Variants in MARF1 observed in about 807,000 individuals in gnomAD.
MARF1 encodes the protein meiosis regulator and mRNA stability factor 1.
MARF1 carries 24 observed loss-of-function variants against 168.2 expected under a neutral mutation model. The observed-to-expected ratio is 0.14, with a 90% CI of 0.10 to 0.20. The LOEUF (loss-of-function observed/expected upper bound fraction) is 0.20, where lower values mean the gene tolerates loss of function less well. Among genes scored for constraint, MARF1 ranks in the 10% least tolerant of loss-of-function variants. The probability of loss-of-function intolerance (pLI) is 1.00; values close to 1 mark genes in which losing one functional copy is unlikely to be tolerated. For synonymous variants in MARF1, 868 were observed against 822.4 expected (o/e 1.06, Z -0.95); for missense variants, 1,744 against 2,143.6 (o/e 0.81, Z 3.68).
chr16:15,627,035 G>GAA (rs1471590131), intron 7 of MARF1, among the ~76,000 whole-genome samples: 4 of 151,392 alleles, frequency 2.6e-5, no homozygotes, highest in African/African-American at 7.3e-5. Context: ...GAGAGAGAGA[G>GAA]AGAAAGAACG....
intron 21 of MARF1, among the ~76,000 whole-genome samples, chr16:15,605,467 G>A (rs2032927721): frequency 6.6e-6 from 1 of 152,038 alleles, no homozygotes; most frequent in Admixed American, 6.6e-5. Context: ...ATGATTATGG[G>A]ACTGTATAGA....
chr16:15,633,716 A>C lies in MARF1; in HGVS notation c.1134T>G (p.Arg378=), dbSNP rs750929395. The C allele has an allele frequency of 6.2e-7, 1 of 1,614,036 alleles. No individual in the cohort carries two copies. The highest frequency in any genetic ancestry group is 1.7e-5 in the Admixed American group (1 of 60,008). ...CTCTGTGGCCTTTAAAAAACTTCTC[A>C]CGGATTCTTTGCACAACAGCAGTTG... The part of the protein sequence containing the change: ...RSATAVVQRI[R]EKFFKGHREA... The change falls in exon 5 of 27, where the codon CGT becomes CGG. Residue 378 remains arginine, a synonymous_variant. Transcript: ENST00000396368.
In MARF1 at chr16:15,614,693, T is replaced by G. The variant is rs1339788590; in HGVS notation, c.3253+1137A>C. On this transcript the variant is annotated intron_variant, in intron 16 of 26. Coordinates refer to ENST00000396368, the MANE Select transcript of MARF1 (RefSeq NM_014647.4). ...CTGTAGTCCCAGCTCCTCAGGAGAC[T>G]GAGGCAGGGGAATGGCGTGAACTCA... 4.6e-5 allele frequency among the ~76,000 whole-genome samples: 7 copies of G among 150,718 alleles called. No homozygotes were observed. The East Asian group carries it at 1.4e-3, about 30-fold the overall frequency.
chr16:15,627,039 A>G (rs1006229577), intron 7 of MARF1, among the ~76,000 whole-genome samples: 4 of 150,544 alleles, frequency 2.7e-5, no homozygotes, highest in African/African-American at 7.4e-5. Flanking sequence ...GAGAGAGAGA[A>G]AGAACGAACA....
In MARF1 at chr16:15,628,282, G is replaced by A. The variant is rs1441752807; in HGVS notation, c.1524+2050C>T. On this transcript the variant is annotated intron_variant, in intron 7 of 26. Transcript: ENST00000396368. ...AAACGTACATTTTTTAAATCTGGAGGGCAATACCAAAATATTAACAGTGGT... is the reference window on the plus strand; with the variant it reads ...AAACGTACATTTTTTAAATCTGGAGAGCAATACCAAAATATTAACAGTGGT... 2.6e-5 allele frequency among the ~76,000 whole-genome samples: 4 copies of A among 151,944 alleles called. No individual in the cohort carries two copies. In the East Asian group the frequency reaches 7.7e-4, roughly 29 times the overall value.
At chr16:15,611,285 C>G (rs182007751) in intron 18 of MARF1, among the ~76,000 whole-genome samples, 177 bp from the exon 19 acceptor site, 1 of 151,832 alleles carries the variant, frequency 6.6e-6, no homozygotes, top group Non-Finnish European at 1.5e-5. Context: ...GGTGAAACCC[C>G]GTCTCTACTA....
intron 20 of MARF1, among the ~76,000 whole-genome samples, chr16:15,608,960 C>G (rs2033270307): frequency 6.6e-6 from 1 of 152,210 alleles, no homozygotes; most frequent in Non-Finnish European, 1.5e-5. Context: ...AAGAAATCAG[C>G]AGGTGTGGTG....
At chr16:15,609,260 C>CA (rs1012779597) in intron 20 of MARF1, among the ~76,000 whole-genome samples, 3 of 151,354 alleles carry the variant, frequency 2.0e-5, no homozygotes, top group Non-Finnish European at 4.4e-5. Flanking sequence ...AACAAACAAA[C>CA]AAAAAAAAGA....
At chr16:15,636,632 A>G (rs1311652988) in intron 2 of MARF1, among the ~76,000 whole-genome samples, 1 of 152,230 alleles carries the variant, frequency 6.6e-6, no homozygotes, top group Non-Finnish European at 1.5e-5. Context: ...ACCATGCCTC[A>G]GTAACTTCCT....
chr16:15,596,682 C>G lies in MARF1; in HGVS notation c.*11G>C. On this transcript the variant is annotated 3_prime_UTR_variant, in exon 27 of 27. Coordinates refer to ENST00000396368, the MANE Select transcript of MARF1 (RefSeq NM_014647.4). ...TGTTTTCCCATCCTAATTCTATATT[C>G]CAAATGGGAGTTAAAGCTTGGTTAT... The G allele has an allele frequency of 6.4e-7, 1 of 1,567,600 alleles. No homozygotes were observed. Among genetic ancestry groups the G allele is most frequent in the African/African-American group, 1.4e-5 (1 of 73,760 alleles).
intron 1 of MARF1, among the ~76,000 whole-genome samples, chr16:15,641,654 T>C (rs12449163): frequency 0.44 from 66,395 of 152,042 alleles, 14,820 homozygotes; most frequent in Middle Eastern, 0.51. Context: ...ATATAATTTT[T>C]GCAATAATCC....
At chr16:15,642,038 CACA>C (rs1468477038) in intron 1 of MARF1, among the ~76,000 whole-genome samples, 3 of 152,218 alleles carry the variant, frequency 2.0e-5, no homozygotes, top group South Asian at 4.1e-4. Context: ...TTGGACAACT[CACA>C]ACCTCTCTGA....
At chr16:15,620,410 A>G in intron 13 of MARF1, 41 bp downstream of exon 13, 1 of 1,261,558 alleles carries the variant, frequency 7.9e-7, no homozygotes, top group Non-Finnish European at 1.2e-6. Context: ...TAAGCCACCA[A>G]TCAGTACTGA....
In MARF1 at chr16:15,639,224, C is replaced by T. The variant is rs150196755; in HGVS notation, c.10G>A (p.Gly4Arg). 10,515 of 1,613,394 alleles carry T rather than the reference C, an allele frequency of 6.5e-3. 40 individuals carry two copies. Among genetic ancestry groups the T allele is most frequent in the Non-Finnish European group, 7.9e-3 (9,347 of 1,179,760 alleles). The change falls in exon 2 of 27, where the codon GGA (glycine) becomes AGA (arginine). Residue 4 changes from glycine (G) to arginine (R), a missense_variant. By Grantham distance (125) the Gly-to-Arg change is moderately radical (BLOSUM62 -2). Coordinates refer to ENST00000396368, the MANE Select transcript of MARF1 (RefSeq NM_014647.4). ...CTGCAGGAGTTCTCAGTTCCGTTTC[C>T]TTCCATCATACAGCCATGCAAAGTG... MME[G>R]NGTENSCSRT...
At chr16:15,627,080 G>A (rs960177187) in intron 7 of MARF1, among the ~76,000 whole-genome samples, 11 of 152,040 alleles carry the variant, frequency 7.2e-5, no homozygotes, top group Non-Finnish European at 1.3e-4. Flanking sequence ...GGCCAGGCAT[G>A]GTGGCTCATG....
In MARF1 at chr16:15,604,238, G is replaced by A. The variant is rs756712115; in HGVS notation, c.4343C>T (p.Pro1448Leu). Residue 1448 changes from proline (P) to leucine (L), a missense_variant, in exon 22 of 27, where the codon CCC becomes CTC. Physicochemically the swap from Pro to Leu is moderately conservative, Grantham distance 98 (BLOSUM62 -3). Transcript: ENST00000396368. ...GAATCCATATTCACAGGGGTTAAGG[G>A]GAGTGTTGTGGGTACTTTCGTAATG... ...KRHYESTHNTPLNPCEYGFMT... is the reference protein window; with the variant it reads ...KRHYESTHNTLLNPCEYGFMT... 3 of 1,614,186 alleles carry A rather than the reference G, an allele frequency of 1.9e-6. No homozygotes were observed. In the South Asian group the frequency reaches 3.3e-5, roughly 18 times the overall value.
intron 13 of MARF1, among the ~76,000 whole-genome samples, chr16:15,618,184 G>A (rs961407806): frequency 3.9e-5 from 6 of 152,202 alleles, no homozygotes; most frequent in Admixed American, 1.3e-4. Context: ...TGAGGATTAA[G>A]TGTGGTTAGG....
chr16:15,594,431 C>T lies in MARF1; in HGVS notation c.*2262G>A, dbSNP rs1356847202. The stretch of plus-strand genomic sequence containing the variant: ...TTTATTGACAACTGTTTGGTCCCAA[C>T]ACACAAAACAGCACTTGAACCACAA... On this transcript the variant is annotated 3_prime_UTR_variant, in exon 27 of 27. Coordinates refer to ENST00000396368, the MANE Select transcript of MARF1 (RefSeq NM_014647.4). The T allele has an allele frequency of 6.6e-6, 1 of 152,616 alleles. No individual in the cohort carries two copies. The highest frequency in any genetic ancestry group is 2.4e-5 in the African/African-American group (1 of 41,444). 9.5% of individuals were successfully genotyped at this position (152,616 alleles called of 1,614,324 possible). A position where few individuals can be genotyped will look rare whatever the true frequency, so the allele number is the denominator to read the frequency against.
At position 15,599,029 on chromosome 16, in the gene MARF1, G is replaced by C. The variant is rs757982642; in HGVS notation, c.4814-5C>G. 1 of 1,604,788 alleles carries C rather than the reference G, an allele frequency of 6.2e-7. No individual in the cohort carries two copies. Among genetic ancestry groups the C allele is most frequent in the East Asian group, 2.2e-5 (1 of 44,792 alleles). On this transcript the variant is annotated splice_polypyrimidine_tract_variant and splice_region_variant and intron_variant, in intron 25 of 26. Transcript: ENST00000396368. ...CCTGCTCTGTGTGACTGGGCCCTGG[G>C]CAAACAAGGAGGGCCGTGACACCAC...
Sources: allele counts gnomAD v4.1 joint callset (sites outside exome capture counted in the v4.1 genomes callset), GRCh38; gene constraint gnomAD v4.1.1; transcripts MANE v1.5; gene names NCBI Gene and HGNC (gene_info 2026-07-23, HGNC 2026-07-21).